Variants in PRKCSH observed in about 807,000 individuals in gnomAD.
The protein encoded by PRKCSH is PRKCSH beta subunit of glucosidase II, also known as glucosidase 2 subunit beta.
Under a neutral mutation model 79.7 loss-of-function variants are expected in PRKCSH, and 42 were observed. The observed-to-expected ratio is 0.53, with a 90% CI of 0.41 to 0.68. The LOEUF (loss-of-function observed/expected upper bound fraction) is 0.68. Ranked by LOEUF, PRKCSH falls within the 30% of genes least tolerant of loss-of-function variation. The pLI is 0.00. For synonymous variants in PRKCSH, 325 were observed against 288.2 expected (o/e 1.13, Z -1.29); for missense variants, 686 against 709.0 (o/e 0.97, Z 0.37).
At chr19:11,445,110 C>T (rs1235954791) in intron 7 of PRKCSH, among the ~76,000 whole-genome samples, 3 of 152,186 alleles carry the variant, frequency 2.0e-5, no homozygotes, top group East Asian at 1.9e-4. Context: ...TGGGTTCCCA[C>T]CTCCCTGCTC....
chr19:11,436,743 C>T (rs1342064952), intron 3 of PRKCSH: 9 of 513,316 alleles, frequency 1.8e-5, no homozygotes, highest in Non-Finnish European at 2.8e-5. Flanking sequence ...CAGTTGAATC[C>T]CGAAGGTGCT....
At chr19:11,436,557 G>A (rs776576851) in intron 3 of PRKCSH, 52 bp downstream of exon 3, 1 of 1,396,404 alleles carries the variant, frequency 7.2e-7, no homozygotes, top group African/African-American at 1.4e-5. Flanking sequence ...ACTGCTCAGT[G>A]CCAGGCCCTG....
At position 11,446,574 on chromosome 19, in the gene PRKCSH, G is replaced by A. The variant is rs1042714055; in HGVS notation, c.762+224G>A. 8.9e-5 allele frequency among the ~76,000 whole-genome samples: 13 copies of A among 145,716 alleles called. 1 individual carries two copies. Among genetic ancestry groups the A allele is most frequent in the African/African-American group, 3.1e-4 (12 of 38,828 alleles). On this transcript the variant is annotated intron_variant, in intron 9 of 17. Coordinates refer to ENST00000677123, the MANE Select transcript of PRKCSH (RefSeq NM_001289104.2). ...CCCCGCACCTGCCCCCACTCTACCC[G>A]CTGTTGAGCACCCAATCCCCTTCCT...
At position 11,436,438 on chromosome 19, in the gene PRKCSH, G is replaced by T; in HGVS notation, c.129G>T (p.Ser43=). The T allele has an allele frequency of 6.2e-7, 1 of 1,614,122 alleles. No homozygotes were observed. The highest frequency in any genetic ancestry group is 8.5e-7 in the Non-Finnish European group (1 of 1,180,022). Residue 43 remains serine (S), a synonymous_variant, in exon 3 of 18, where the codon TCG becomes TCT. Transcript: ENST00000677123. ...ESKPFTCLDG[S]ATIPFDQVND... is the part of the protein sequence containing the mutation. Reference sequence around the variant, plus strand: ...AGCCTTTCACCTGCCTGGACGGTTCGGCCACCATCCCATTTGATCAGGTCA... The same window carrying T: ...AGCCTTTCACCTGCCTGGACGGTTCTGCCACCATCCCATTTGATCAGGTCA...
At position 11,447,182 on chromosome 19, in the gene PRKCSH, G is replaced by A; in HGVS notation, c.849+22G>A. The stretch of plus-strand genomic sequence containing the variant: ...CGAGGTCAGTGGAGGAGAAGGGAGG[G>A]GACTTGGTCCTCCCACCACACTGCC... On this transcript the variant is annotated intron_variant, in intron 10 of 17. Coordinates refer to ENST00000677123, the MANE Select transcript of PRKCSH (RefSeq NM_001289104.2). The surrounding 1 kb of genome is among the most constrained non-coding windows in gnomAD (Gnocchi z 5.6). The A allele has an allele frequency of 6.2e-7, 1 of 1,608,658 alleles. No individual in the cohort carries two copies.
At chr19:11,444,389 AC>A (rs914032546) in intron 7 of PRKCSH, among the ~76,000 whole-genome samples, 4 of 152,036 alleles carry the variant, frequency 2.6e-5, no homozygotes, top group Non-Finnish European at 5.9e-5. Context: ...CCCAGGCTAC[AC>A]CTCTCACTGG....
chr19:11,442,059 C>T (rs1314300559), intron 6 of PRKCSH, among the ~76,000 whole-genome samples: 1 of 152,186 alleles, frequency 6.6e-6, no homozygotes, highest in Non-Finnish European at 1.5e-5. Context: ...GCTGAAGGAA[C>T]AGCATGTTTG....
Position 11,448,166 on chromosome 19 carries a change from TC to T in PRKCSH, c.1127-52del, listed in dbSNP as rs1970410578. 6.7e-7 allele frequency: 1 copy of T among 1,491,018 alleles called. No individual in the cohort carries two copies. Among genetic ancestry groups the T allele is most frequent in the African/African-American group, 1.4e-5 (1 of 71,762 alleles). The allele number at this position is 1,491,018 out of a possible 1,614,324, so 92.4% of individuals were successfully genotyped here. A position where few individuals can be genotyped will look rare whatever the true frequency, so the allele number is the denominator to read the frequency against. ...CACAGCCACATCCATGGAACCCCGT[TC>T]CCCATCCTCCTGGATGGGGTTGAGG... On this transcript the variant is annotated intron_variant, in intron 12 of 17. Transcript: ENST00000677123. This position sits in a 1 kb window ranked among gnomAD's most constrained non-coding sequence, Gnocchi z 4.4.
intron 9 of PRKCSH, among the ~76,000 whole-genome samples, chr19:11,446,673 C>T (rs2144842946): frequency 6.6e-6 from 1 of 150,948 alleles, no homozygotes; most frequent in Middle Eastern, 3.5e-3. Flanking sequence ...TTCCTATCCT[C>T]CTCCTTCCCC....
chr19:11,449,298 G>A lies in PRKCSH; in HGVS notation c.1494G>A (p.Val498=), dbSNP rs1187543284. ...TCCTGTGCGGGAAAGAGACCATGGT[G>A]ACCAGCACCACAGAGCCCAGTCGCT... ...VRLLCGKETM[V]TSTTEPSRCE... is the part of the protein sequence containing the mutation. The change falls in exon 17 of 18, where the codon GTG becomes GTA. Residue 498 remains valine (V), a synonymous_variant. Transcript: ENST00000677123. The surrounding 1 kb of genome is among the most constrained non-coding windows in gnomAD (Gnocchi z 6.4). 1.2e-6 allele frequency: 2 copies of A among 1,613,592 alleles called. No individual in the cohort carries two copies. The highest frequency in any genetic ancestry group is 1.7e-6 in the Non-Finnish European group (2 of 1,179,982).
Position 11,447,929 on chromosome 19 carries a change from AG to A in PRKCSH, c.1126+145del, listed in dbSNP as rs555557313. On this transcript the variant is annotated intron_variant, in intron 12 of 17. Coordinates refer to ENST00000677123, the MANE Select transcript of PRKCSH (RefSeq NM_001289104.2). The surrounding 1 kb of genome is among the most constrained non-coding windows in gnomAD (Gnocchi z 5.6). ...CCCCAGTATCTTGGGGAGTCCAGGA[AG>A]GGGGCCTAGGGTAAGCCAGTCCCAC... The A allele has an allele frequency of 1.3e-4, 137 of 1,056,444 alleles. 2 individuals carry two copies. The South Asian group carries it at 2.1e-3, about 16-fold the overall frequency. 65.4% of individuals were successfully genotyped at this position (1,056,444 alleles called of 1,614,324 possible).
At chr19:11,441,134 C>A in intron 5 of PRKCSH, 106 bp from the exon 6 acceptor site, 1 of 1,089,810 alleles carries the variant, frequency 9.2e-7, no homozygotes, top group Non-Finnish European at 1.4e-6. Context: ...TCTTTCCCAG[C>A]ATGGCTTGGT....
chr19:11,448,996 G>T lies in PRKCSH; in HGVS notation c.1361+8G>T. ...CTCTCCCACCAGCCTTGGGTGAGTG[G>T]CTTGGGCTGGCCCCTTCCCTCTGCC... On this transcript the variant is annotated splice_region_variant and intron_variant, in intron 15 of 17. Transcript: ENST00000677123. The surrounding 1 kb of genome is among the most constrained non-coding windows in gnomAD (Gnocchi z 4.4). 1 of 1,613,724 alleles carries T rather than the reference G, an allele frequency of 6.2e-7. No individual in the cohort carries two copies. The highest frequency in any genetic ancestry group is 1.3e-5 in the African/African-American group (1 of 75,072).
At position 11,440,023 on chromosome 19, in the gene PRKCSH, T is replaced by G. The variant is rs117567997; in HGVS notation, c.351-1217T>G. ...TTGCTTGGGCCTGGGAAGCAGAGGTTGCAGTGAGCTAAAAAGTAAAAAAAA... is the reference window on the plus strand; with the variant it reads ...TTGCTTGGGCCTGGGAAGCAGAGGTGGCAGTGAGCTAAAAAGTAAAAAAAA... On this transcript the variant is annotated intron_variant, in intron 5 of 17. Coordinates refer to ENST00000677123, the MANE Select transcript of PRKCSH (RefSeq NM_001289104.2). 5.5e-3 allele frequency among the ~76,000 whole-genome samples: 841 copies of G among 151,710 alleles called. 9 individuals are homozygous for G. The highest frequency in any genetic ancestry group is 0.013 in the South Asian group (64 of 4,798).
chr19:11,438,538 C>G (rs1044432944), intron 5 of PRKCSH, among the ~76,000 whole-genome samples: 3 of 152,030 alleles, frequency 2.0e-5, no homozygotes, highest in African/African-American at 7.2e-5. Context: ...AGGCGGATCA[C>G]GAGGTCAGGA....
intron 7 of PRKCSH, among the ~76,000 whole-genome samples, chr19:11,444,208 G>A (rs185736566): frequency 3.3e-5 from 5 of 152,354 alleles, no homozygotes; most frequent in African/African-American, 1.2e-4. Context: ...TCTTTGTCGT[G>A]TTGCAAGCTT....
chr19:11,435,973 C>A, intron 1 of PRKCSH, 68 bp from the exon 2 acceptor site: 1 of 1,178,042 alleles, frequency 8.5e-7, no homozygotes, highest in Non-Finnish European at 1.2e-6. Flanking sequence ...TGCCTGGAAG[C>A]GATGGAGGAA....
chr19:11,447,146 A>G lies in PRKCSH; in HGVS notation c.835A>G (p.Lys279Glu). ...CCGCGTCTGGGCCGCCATCAGGGACAAGTACCGGTCCGAGGTCAGTGGAGG... is the reference window on the plus strand; with the variant it reads ...CCGCGTCTGGGCCGCCATCAGGGACGAGTACCGGTCCGAGGTCAGTGGAGG... ...YDRVWAAIRD[K>E]YRSEALPTDL... Residue 279 changes from lysine (K) to glutamate (E), a missense_variant, in exon 10 of 18, where the codon AAG (lysine) becomes GAG (glutamate). Transcript: ENST00000677123. The surrounding 1 kb of genome is among the most constrained non-coding windows in gnomAD (Gnocchi z 5.6). 1 of 1,613,900 alleles carries G rather than the reference A, an allele frequency of 6.2e-7. No homozygotes were observed. The highest frequency in any genetic ancestry group is 1.3e-5 in the African/African-American group (1 of 75,014).
rs539802997 is a variant in PRKCSH, at chr19:11,444,890, C to T, written c.599-499C>T. 5.7e-4 allele frequency among the ~76,000 whole-genome samples: 87 copies of T among 152,134 alleles called. 2 individuals carry two copies. Among genetic ancestry groups the T allele is most frequent in the African/African-American group, 2.0e-3 (82 of 41,496 alleles). On this transcript the variant is annotated intron_variant, in intron 7 of 17. Coordinates refer to ENST00000677123, the MANE Select transcript of PRKCSH (RefSeq NM_001289104.2). ...CGACATGCCTCTGCCAGGTCCTAAA[C>T]CTAAAGTCTCAGTGGTCGCTCTCCT...
Sources: allele counts gnomAD v4.1 joint callset (sites outside exome capture counted in the v4.1 genomes callset), GRCh38; gene constraint gnomAD v4.1.1; non-coding constraint Gnocchi (gnomAD v3.1); transcripts MANE v1.5; gene names NCBI Gene and HGNC (gene_info 2026-07-23, HGNC 2026-07-21).